Variants in RIMS1 observed in about 807,000 individuals in gnomAD.
The protein encoded by RIMS1 is regulating synaptic membrane exocytosis 1, also known as regulating synaptic membrane exocytosis protein 1.
A neutral mutation model predicts 214.1 loss-of-function variants in RIMS1; 83 were observed. The ratio of observed to expected loss-of-function variants is 0.39; its 90% confidence interval spans 0.32 to 0.47. The LOEUF (loss-of-function observed/expected upper bound fraction) is 0.47, where lower values mean the gene tolerates loss of function less well. Ranked by LOEUF, RIMS1 falls within the 20% of genes least tolerant of loss-of-function variation. The probability of loss-of-function intolerance (pLI) is 0.99; values close to 1 mark genes in which losing one functional copy is unlikely to be tolerated. For synonymous variants in RIMS1, 793 were observed against 786.8 expected, an observed-to-expected ratio of 1.01 and a Z score of -0.13; for missense variants, 2,050 against 2,161.8, an observed-to-expected ratio of 0.95 and a Z score of 1.03.
At chr6:72,058,050 G>A (rs1288523358) in intron 2 of RIMS1, among the ~76,000 whole-genome samples, 2 of 152,178 alleles carry the variant, frequency 1.3e-5, no homozygotes, top group African/African-American at 4.8e-5. Context: ...ACCATCTCAT[G>A]AATTTATAAA....
intron 29 of RIMS1, among the ~76,000 whole-genome samples, chr6:72,373,499 G>T (rs1782077018): frequency 1.3e-5 from 2 of 152,124 alleles, no homozygotes; most frequent in Non-Finnish European, 2.9e-5. Context: ...AAATTATCAG[G>T]ATTGTCATTG....
chr6:72,009,774 A>C lies in RIMS1; in HGVS notation c.245+40711A>C, dbSNP rs2151839296. 3.3e-5 allele frequency among the ~76,000 whole-genome samples: 5 copies of C among 152,336 alleles called. No individual in the cohort carries two copies. The South Asian group carries it at 1.0e-3, about 32-fold the overall frequency. ...ACATACACCCTCCCAAGACTAAACC[A>C]GGAAGAAGTTGAATCTCTGAATAGA... On this transcript the variant is annotated intron_variant, in intron 2 of 33. Coordinates refer to ENST00000521978, the MANE Select transcript of RIMS1 (RefSeq NM_014989.7).
In RIMS1 at chr6:72,099,994, T is replaced by G. The variant is rs764381785; in HGVS notation, c.471+8T>G. 1.3e-6 allele frequency: 2 copies of G among 1,597,596 alleles called. No homozygotes were observed. The highest frequency in any genetic ancestry group is 3.3e-5 in the Admixed American group (2 of 59,846). On this transcript the variant is annotated splice_region_variant and intron_variant, in intron 4 of 33. Coordinates refer to ENST00000521978, the MANE Select transcript of RIMS1 (RefSeq NM_014989.7). ...CCAAAGGAGGACAAAGTGGTTAGAATCCATACTTTCTTTTCTATCATTTGT... is the reference window on the plus strand; with the variant it reads ...CCAAAGGAGGACAAAGTGGTTAGAAGCCATACTTTCTTTTCTATCATTTGT...
At chr6:72,387,932 A>G (rs533873179) in intron 29 of RIMS1, among the ~76,000 whole-genome samples, 3 of 152,192 alleles carry the variant, frequency 2.0e-5, no homozygotes, top group African/African-American at 4.8e-5. Context: ...GAATAGTGCA[A>G]TCTTTAAAAA....
chr6:72,334,167 C>A (rs1200601848), intron 29 of RIMS1, among the ~76,000 whole-genome samples: 2 of 151,786 alleles, frequency 1.3e-5, no homozygotes, highest in Non-Finnish European at 2.9e-5. Flanking sequence ...TTCTCTTTTT[C>A]AAAATGTTCC....
intron 6 of RIMS1, among the ~76,000 whole-genome samples, chr6:72,202,811 A>G (rs1165237677): frequency 7.4e-6 from 1 of 134,376 alleles, no homozygotes; most frequent in Non-Finnish European, 1.6e-5. Context: ...CCAGAGACTG[A>G]TAACCCAGGA....
chr6:71,898,512 A>G (rs1772570593), intron 1 of RIMS1, among the ~76,000 whole-genome samples: 1 of 152,176 alleles, frequency 6.6e-6, no homozygotes, highest in South Asian at 2.1e-4. Context: ...AGGACACAAC[A>G]GCACTGACTT....
intron 1 of RIMS1, among the ~76,000 whole-genome samples, chr6:71,935,675 C>G (rs1784229681): frequency 6.6e-6 from 1 of 152,156 alleles, no homozygotes; most frequent in African/African-American, 2.4e-5. Flanking sequence ...CAGACCCATC[C>G]TGATATGCTC....
At position 72,182,866 on chromosome 6, in the gene RIMS1, A is replaced by G. The variant is rs1250371485; in HGVS notation, c.1395A>G (p.Lys465=). The G allele has an allele frequency of 1.3e-6, 2 of 1,560,114 alleles. No individual in the cohort carries two copies. ...GPVPAEAPEL[K]AQEPLRKQSR... is the part of the protein sequence containing the mutation. The stretch of plus-strand genomic sequence containing the variant: ...TTCCCGCAGAAGCCCCGGAGCTCAA[A>G]GCCCAGGAGCCCCTCAGGAAGCAGA... The change falls in exon 6 of 34, where the codon AAA becomes AAG. Residue 465 remains lysine, a synonymous_variant. Coordinates refer to ENST00000521978, the MANE Select transcript of RIMS1 (RefSeq NM_014989.7).
Position 72,274,441 on chromosome 6 carries a change from C to A in RIMS1, c.3482+9C>A. ...TCTCCGGAGAATGACAGGTACTAGTCAACTCCTCCTCACAGACAAGTGGCT... is the reference window on the plus strand; with the variant it reads ...TCTCCGGAGAATGACAGGTACTAGTAAACTCCTCCTCACAGACAAGTGGCT... On this transcript the variant is annotated intron_variant, in intron 23 of 33. Transcript: ENST00000521978. The A allele has an allele frequency of 1.2e-6, 2 of 1,604,878 alleles. No individual in the cohort carries two copies. The highest frequency in any genetic ancestry group is 1.1e-5 in the South Asian group (1 of 90,798).
chr6:72,095,601 C>T lies in RIMS1; in HGVS notation c.246-1348C>T, dbSNP rs562904990. On this transcript the variant is annotated intron_variant, in intron 2 of 33. Coordinates refer to ENST00000521978, the MANE Select transcript of RIMS1 (RefSeq NM_014989.7). Reference sequence around the variant, plus strand: ...TGGAATTAAATAGAAAAGGTGCCAACTGGCAAAGCAGCAAAGGGATTTGAG... The same window carrying T: ...TGGAATTAAATAGAAAAGGTGCCAATTGGCAAAGCAGCAAAGGGATTTGAG... Among the ~76,000 whole-genome samples the T allele has an allele frequency of 2.6e-5, 4 of 152,292 alleles. No homozygotes were observed. The South Asian group carries it at 8.3e-4, about 32-fold the overall frequency.
At chr6:72,148,333 C>T (rs575719070) in intron 4 of RIMS1, among the ~76,000 whole-genome samples, 1 of 152,304 alleles carries the variant, frequency 6.6e-6, no homozygotes, top group African/African-American at 2.4e-5. Context: ...GAGGAAAAGG[C>T]ATCCCTTTGT....
At chr6:71,898,225 C>T (rs1015022210) in intron 1 of RIMS1, among the ~76,000 whole-genome samples, 2 of 152,064 alleles carry the variant, frequency 1.3e-5, no homozygotes, top group Non-Finnish European at 2.9e-5. Context: ...TGAAATAAAA[C>T]ATCACTAACT....
intron 26 of RIMS1, among the ~76,000 whole-genome samples, chr6:72,293,395 A>G (rs183105792): frequency 9.3e-4 from 142 of 152,034 alleles, no homozygotes; most frequent in African/African-American, 3.2e-3. Context: ...AATTATTCAT[A>G]ATTAATCTGG....
chr6:72,277,357 G>A (rs887642300), intron 23 of RIMS1, among the ~76,000 whole-genome samples: 4 of 152,206 alleles, frequency 2.6e-5, no homozygotes, highest in South Asian at 2.1e-4. Context: ...CGAGGCGGGC[G>A]GATCATGAGG....
At chr6:72,224,124 T>C (rs549285347) in intron 6 of RIMS1, among the ~76,000 whole-genome samples, 8 of 152,234 alleles carry the variant, frequency 5.3e-5, no homozygotes, top group African/African-American at 1.9e-4. Flanking sequence ...CAACCTGATA[T>C]AGTAATGATA....
At chr6:71,907,527 A>G (rs142037559) in intron 1 of RIMS1, among the ~76,000 whole-genome samples, 3 of 152,304 alleles carry the variant, frequency 2.0e-5, no homozygotes, top group South Asian at 2.1e-4. Flanking sequence ...AACAGCTGAC[A>G]TAATGCTGAC....
At position 72,248,041 on chromosome 6, in the gene RIMS1, A is replaced by G. The variant is rs780449590; in HGVS notation, c.2155A>G (p.Met719Val). The G allele has an allele frequency of 6.2e-7, 1 of 1,613,006 alleles. No individual in the cohort carries two copies. The highest frequency in any genetic ancestry group is 1.7e-5 in the Admixed American group (1 of 59,974). ...TTCAAGTTCCTTTGAATCTCAGAAG[A>G]TGGAAAGGCCTTCCATTTCTGTTAT... Reference protein sequence around the residue: ...SSSSSFESQKMERPSISVISP... With the variant: ...SSSSSFESQKVERPSISVISP... Residue 719 changes from methionine (M) to valine (V), a missense_variant, in exon 12 of 34, where the codon ATG becomes GTG. By Grantham distance (21) the Met-to-Val change is conservative. Coordinates refer to ENST00000521978, the MANE Select transcript of RIMS1 (RefSeq NM_014989.7).
At chr6:71,999,057 T>C (rs1447433695) in intron 2 of RIMS1, among the ~76,000 whole-genome samples, 1 of 152,130 alleles carries the variant, frequency 6.6e-6, no homozygotes, top group Non-Finnish European at 1.5e-5. Context: ...TTTTTTCTAC[T>C]TTTTAATATG....
Sources: gnomAD v4.1 joint callset for allele counts (sites outside exome capture counted in the v4.1 genomes callset) on GRCh38, gnomAD v4.1.1 for gene constraint, MANE v1.5 for transcripts, NCBI Gene and HGNC (gene_info 2026-07-23, HGNC 2026-07-21) for gene names.